Variants in SH3GLB1 observed in about 807,000 individuals in gnomAD.
SH3GLB1 encodes the protein SH3 domain containing GRB2 like, endophilin B1.
Under a neutral mutation model 42.0 loss-of-function variants are expected in SH3GLB1, and 17 were observed. That is an observed-to-expected ratio of 0.40 (90% CI 0.28 to 0.61). SH3GLB1 has a LOEUF of 0.61. SH3GLB1 is among the 20% of genes least tolerant of loss of function. SH3GLB1 has a pLI of 0.36. For missense variants in SH3GLB1, 355 were observed against 426.3 expected (o/e 0.83, Z 1.47); for synonymous variants, 132 against 146.6 (o/e 0.90, Z 0.72).
intron 2 of SH3GLB1, among the ~76,000 whole-genome samples, chr1:86,716,237 G>GT (rs1297652605): frequency 6.6e-6 from 1 of 151,696 alleles, no homozygotes; most frequent in Non-Finnish European, 1.5e-5. Flanking sequence ...CATTTTTTAT[G>GT]TTTAAGTTTT....
Position 86,744,288 on chromosome 1 carries a change from T to C in SH3GLB1, c.*1053T>C, listed in dbSNP as rs1286815731. Reference sequence around the variant, plus strand: ...CCATTGCTATAAATCATTGTTTCCATGTTAAGACTTCTGTTCTAATTCATT... The same window carrying C: ...CCATTGCTATAAATCATTGTTTCCACGTTAAGACTTCTGTTCTAATTCATT... On this transcript the variant is annotated 3_prime_UTR_variant, in exon 9 of 9. Transcript: ENST00000370558. 1 of 152,220 alleles carries C rather than the reference T, an allele frequency of 6.6e-6. No homozygotes were observed. Among genetic ancestry groups the C allele is most frequent in the Admixed American group, 6.5e-5 (1 of 15,276 alleles). The allele number at this position is 152,220 out of a possible 1,614,324, so 9.4% of individuals were successfully genotyped here.
intron 5 of SH3GLB1, chr1:86,728,434 A>C (rs1313553984): frequency 1.9e-6 from 3 of 1,560,740 alleles, no homozygotes. Flanking sequence ...GAAGGAGATA[A>C]CATTATGGTA....
In SH3GLB1 at chr1:86,734,587, A is replaced by G. The variant is rs759091697; in HGVS notation, c.571-15A>G. ...AGTCTTCTAAAGAGATTCTAAAACT[A>G]TATTCTTACTTAAGTCTGAACAGGA... On this transcript the variant is annotated splice_polypyrimidine_tract_variant and intron_variant, in intron 5 of 8. Coordinates refer to ENST00000370558, the MANE Select transcript of SH3GLB1 (RefSeq NM_016009.5). 21 of 1,578,484 alleles carry G rather than the reference A, an allele frequency of 1.3e-5. No individual in the cohort carries two copies. Among genetic ancestry groups the G allele is most frequent in the Non-Finnish European group, 1.7e-5 (20 of 1,148,702 alleles).
At position 86,717,986 on chromosome 1, in the gene SH3GLB1, G is replaced by A. The variant is rs531287577; in HGVS notation, c.215-1521G>A. Among the ~76,000 whole-genome samples the A allele has an allele frequency of 2.6e-5, 4 of 151,702 alleles. No individual in the cohort carries two copies. In the South Asian group the frequency reaches 6.3e-4, roughly 24 times the overall value. On this transcript the variant is annotated intron_variant, in intron 2 of 8. Coordinates refer to ENST00000370558, the MANE Select transcript of SH3GLB1 (RefSeq NM_016009.5). ...GCATAAGATTCCATTTTAAACTTTT[G>A]GCCAGATAGGTGGAAAAGCAGTCAA...
intron 5 of SH3GLB1, among the ~76,000 whole-genome samples, chr1:86,724,925 ATATATGTGTGTG>A (rs1329085016): frequency 2.1e-5 from 3 of 140,986 alleles, no homozygotes; most frequent in African/African-American, 8.1e-5. Flanking sequence ...AATATATAAT[ATATATGTGTGTG>A]TATATATATA....
chr1:86,715,734 A>C lies in SH3GLB1; in HGVS notation c.83A>C (p.Glu28Ala). 6.3e-7 allele frequency: 1 copy of C among 1,596,004 alleles called. No individual in the cohort carries two copies. The highest frequency in any genetic ancestry group is 1.2e-5 in the South Asian group (1 of 86,746). ...FLSRAVQFTE[E>A]KLGQAEKTEL... ...TACAATCAATAACAGTTCACAGAAG[A>C]AAAGCTTGGCCAGGCTGAGAAGACA... The change falls in exon 2 of 9, where the codon GAA (glutamate) becomes GCA (alanine). Residue 28 changes from glutamate (E) to alanine (A), a missense_variant. By Grantham distance (107) the Glu-to-Ala change is moderately radical. Coordinates refer to ENST00000370558, the MANE Select transcript of SH3GLB1 (RefSeq NM_016009.5).
intron 4 of SH3GLB1, 22 bp downstream of exon 4, chr1:86,722,695 T>G: frequency 6.4e-7 from 1 of 1,569,474 alleles, no homozygotes; most frequent in Non-Finnish European, 8.6e-7. Flanking sequence ...AATGTCCCCT[T>G]TATTTAGTAA....
At chr1:86,722,469 A>G in intron 3 of SH3GLB1, 71 bp from the exon 4 acceptor site, 1 of 1,425,344 alleles carries the variant, frequency 7.0e-7, no homozygotes, top group South Asian at 1.5e-5. Flanking sequence ...CAAATTGCTG[A>G]TTTATCTTTA....
chr1:86,723,364 A>AT (rs1364740925), intron 4 of SH3GLB1, among the ~76,000 whole-genome samples: 1 of 152,034 alleles, frequency 6.6e-6, no homozygotes, highest in African/African-American at 2.4e-5. Context: ...ATACAAAAAA[A>AT]TTAGCTGGGC....
Position 86,747,087 on chromosome 1 carries a change from TTCTAA to T in SH3GLB1, c.*3856_*3860del, listed in dbSNP as rs1656341530. Reference sequence around the variant, plus strand: ...AATATTTTAAGACAAAAACTGAGTCTTCTAATCTTAATTGTGTTCTAGCAGTAGTC... The same window carrying T: ...AATATTTTAAGACAAAAACTGAGTCTTCTTAATTGTGTTCTAGCAGTAGTC... On this transcript the variant is annotated 3_prime_UTR_variant, in exon 9 of 9. Transcript: ENST00000370558. 6.6e-6 allele frequency: 1 copy of T among 152,646 alleles called. No individual in the cohort carries two copies. Among genetic ancestry groups the T allele is most frequent in the Non-Finnish European group, 1.5e-5 (1 of 68,028 alleles). 9.5% of individuals were successfully genotyped at this position (152,646 alleles called of 1,614,324 possible). A position where few individuals can be genotyped will look rare whatever the true frequency, so the allele number is the denominator to read the frequency against.
At chr1:86,735,882 T>C (rs1655756501) in intron 7 of SH3GLB1, among the ~76,000 whole-genome samples, 1 of 152,214 alleles carries the variant, frequency 6.6e-6, no homozygotes, top group African/African-American at 2.4e-5. Context: ...AAGCCGTTGG[T>C]AGACAGGCCA....
At chr1:86,722,424 T>G in intron 3 of SH3GLB1, 116 bp from the exon 4 acceptor site, 2 of 886,190 alleles carry the variant, frequency 2.3e-6, no homozygotes, top group Non-Finnish European at 3.4e-6. Context: ...TGGTTTTACT[T>G]TAGCAAGCAA....
At chr1:86,719,854 G>A (rs1654764696) in intron 3 of SH3GLB1, among the ~76,000 whole-genome samples, 1 of 151,764 alleles carries the variant, frequency 6.6e-6, no homozygotes, top group African/African-American at 2.4e-5. Context: ...AAATTAGCTG[G>A]GTGTGGTGGC....
chr1:86,719,072 G>GT (rs1302166003), intron 2 of SH3GLB1, among the ~76,000 whole-genome samples: 1 of 152,182 alleles, frequency 6.6e-6, no homozygotes, highest in Non-Finnish European at 1.5e-5. Context: ...GCTGTCAGAT[G>GT]TAAGTCTTTG....
intron 5 of SH3GLB1, chr1:86,728,291 A>G (rs1159466866): frequency 2.1e-6 from 1 of 468,798 alleles, no homozygotes; most frequent in African/African-American, 2.0e-5. Flanking sequence ...ATAGAAAAAA[A>G]TATTTGATTG....
chr1:86,718,235 G>A (rs1199033525), intron 2 of SH3GLB1, among the ~76,000 whole-genome samples: 4 of 151,388 alleles, frequency 2.6e-5, no homozygotes, highest in South Asian at 4.2e-4. Flanking sequence ...TAGTAGAGAC[G>A]GGGTTTCACC....
In SH3GLB1 at chr1:86,704,981, T is replaced by C; in HGVS notation, c.72+10T>C. 1.3e-6 allele frequency: 2 copies of C among 1,562,608 alleles called. No individual in the cohort carries two copies. The highest frequency in any genetic ancestry group is 2.8e-5 in the African/African-American group (2 of 70,656). ...CAGTCGCGCCGTGCAGGTACCCTGG[T>C]GCTGGGGGGAAAAGGGGTGGCGGCG... On this transcript the variant is annotated intron_variant, in intron 1 of 8. Transcript: ENST00000370558.
intron 2 of SH3GLB1, among the ~76,000 whole-genome samples, chr1:86,716,650 G>T (rs942774962): frequency 1.6e-4 from 25 of 152,144 alleles, no homozygotes; most frequent in African/African-American, 5.6e-4. Context: ...GAGATTTTCA[G>T]ATAAGTCAAC....
intron 8 of SH3GLB1, 75 bp downstream of exon 8, chr1:86,742,511 TTCC>T (rs1433038900): frequency 4.7e-6 from 5 of 1,072,230 alleles, no homozygotes; most frequent in Non-Finnish European, 7.0e-6. Flanking sequence ...AAAATGCAAA[TTCC>T]TCATTAGTTA....
Sources: gnomAD v4.1 joint callset for allele counts (sites outside exome capture counted in the v4.1 genomes callset) on GRCh38, gnomAD v4.1.1 for gene constraint, MANE v1.5 for transcripts, NCBI Gene and HGNC (gene_info 2026-07-23, HGNC 2026-07-21) for gene names.